Variants in MRGBP observed in about 807,000 individuals in gnomAD.
MRGBP encodes the protein MRG/MORF4L-binding protein.
In MRGBP, 5 loss-of-function variants were observed where a neutral mutation model predicts 21.5. The ratio of observed to expected loss-of-function variants is 0.23; its 90% CI spans 0.12 to 0.49. The LOEUF is 0.49. MRGBP is among the 20% of genes least tolerant of loss of function. The pLI is 0.98. For synonymous variants in MRGBP, 118 were observed against 104.4 expected (o/e 1.13, Z -0.79); for missense variants, 227 against 277.4 (o/e 0.82, Z 1.29).
intron 1 of MRGBP, 48 bp downstream of exon 1, chr20:62,796,719 GC>G: frequency 8.2e-7 from 1 of 1,216,866 alleles, no homozygotes; most frequent in Non-Finnish European, 1.0e-6. Context: ...CGGGCAACCG[GC>G]GGGGCGGGGC....
At chr20:62,797,780 G>A (rs1170145734) in intron 2 of MRGBP, among the ~76,000 whole-genome samples, 2 of 152,266 alleles carry the variant, frequency 1.3e-5, no homozygotes, top group Non-Finnish European at 2.9e-5. Context: ...CTTGGAGCTG[G>A]CACTGTGTGA....
chr20:62,801,679 G>C lies in MRGBP; in HGVS notation c.*2036G>C, dbSNP rs368413400. On this transcript the variant is annotated 3_prime_UTR_variant, in exon 5 of 5. Coordinates refer to ENST00000370487, the MANE Select transcript of MRGBP (RefSeq NM_018270.6). ...CTCCATCTGAAACCGCATCTCGGGT[G>C]ACCTCAGATTGTGCTAGGAAAGCCT... 9 of 152,406 alleles carry C rather than the reference G, an allele frequency of 5.9e-5. No individual in the cohort carries two copies. The East Asian group carries it at 1.5e-3, about 26-fold the overall frequency. The allele number at this position is 152,406 out of a possible 1,614,324, so 9.4% of individuals were successfully genotyped here.
chr20:62,798,438 C>A, intron 2 of MRGBP, 149 bp from the exon 3 acceptor site: 1 of 650,520 alleles, frequency 1.5e-6, no homozygotes, highest in African/African-American at 1.8e-5. Context: ...AAGAAATGCC[C>A]TTTGCCCTTG....
At chr20:62,797,632 G>A (rs962993738) in intron 2 of MRGBP, among the ~76,000 whole-genome samples, 6 of 152,200 alleles carry the variant, frequency 3.9e-5, no homozygotes, top group East Asian at 1.9e-4. Flanking sequence ...GCAGAGTCCC[G>A]GGCCCTTAGG....
Position 62,799,733 on chromosome 20 carries a change from C to G in MRGBP, c.*90C>G. 7.3e-7 allele frequency: 1 copy of G among 1,373,584 alleles called. No homozygotes were observed. Among genetic ancestry groups the G allele is most frequent in the African/African-American group, 1.4e-5 (1 of 69,302 alleles). The allele number at this position is 1,373,584 out of a possible 1,614,324, so 85.1% of individuals were successfully genotyped here. A position where few individuals can be genotyped will look rare whatever the true frequency, so the allele number is the denominator to read the frequency against. On this transcript the variant is annotated 3_prime_UTR_variant, in exon 5 of 5. Transcript: ENST00000370487. Reference sequence around the variant, plus strand: ...GGTCTGAGTGCCACCCCCCAGGCCACAGTGATACCATCCCAGTGCCATGAG... The same window carrying G: ...GGTCTGAGTGCCACCCCCCAGGCCAGAGTGATACCATCCCAGTGCCATGAG...
In MRGBP at chr20:62,800,393, T is replaced by TA. The variant is rs1990433022; in HGVS notation, c.*751dup. The stretch of plus-strand genomic sequence containing the variant: ...TTCTGAGATGTTTTGCTTTAAGAGA[T>TA]ACTTTTTGCTCAGTTTTTATATGCC... On this transcript the variant is annotated 3_prime_UTR_variant, in exon 5 of 5. Transcript: ENST00000370487. 1 of 152,702 alleles carries TA rather than the reference T, an allele frequency of 6.5e-6. No homozygotes were observed. Among genetic ancestry groups the TA allele is most frequent in the Admixed American group, 6.5e-5 (1 of 15,294 alleles). 9.5% of individuals were successfully genotyped at this position (152,702 alleles called of 1,614,324 possible).
intron 4 of MRGBP, 99 bp from the exon 5 acceptor site, chr20:62,799,357 G>A: frequency 1.5e-6 from 2 of 1,310,354 alleles, no homozygotes; most frequent in Non-Finnish European, 1.0e-6. Context: ...TGGGTTCAGA[G>A]GGTCACGTGT....
rs1430525369 is a variant in MRGBP at position 62,796,499 on chromosome 20, C to G, written c.-25C>G. On this transcript the variant is annotated 5_prime_UTR_variant, in exon 1 of 5. Transcript: ENST00000370487. ...TGGCCGCGCCTGCTCCCGCCGGGGG[C>G]TCCTTGCTCGGCCGGGCCGCGGCCA... The G allele has an allele frequency of 3.5e-6, 4 of 1,127,670 alleles. No homozygotes were observed. Among genetic ancestry groups the G allele is most frequent in the African/African-American group, 1.7e-5 (1 of 60,570 alleles). 69.9% of individuals were successfully genotyped at this position (1,127,670 alleles called of 1,614,324 possible).
chr20:62,799,278 AG>A (rs1267906048), intron 4 of MRGBP, among the ~76,000 whole-genome samples, 177 bp from the exon 5 acceptor site: 1 of 152,192 alleles, frequency 6.6e-6, no homozygotes, highest in Non-Finnish European at 1.5e-5. Flanking sequence ...CGCCGCAGGC[AG>A]GTCCTCAGGA....
rs1742605558 is a variant in MRGBP, at chr20:62,799,579, A to G, written c.551A>G (p.Asp184Gly). 6.2e-7 allele frequency: 1 copy of G among 1,613,636 alleles called. No homozygotes were observed. The highest frequency in any genetic ancestry group is 1.7e-5 in the Admixed American group (1 of 60,010). The change falls in exon 5 of 5, where the codon GAC becomes GGC. Residue 184 changes from aspartate (D) to glycine (G), a missense_variant. This residue lies in a region of MRGBP where 162 missense variants were observed against 227.7 expected (regional missense o/e 0.71). Transcript: ENST00000370487. ...ADKRKRSRVTDKVLTANSNPS... is the reference protein window; with the variant it reads ...ADKRKRSRVTGKVLTANSNPS... The stretch of plus-strand genomic sequence containing the variant: ...AAGCGGAAGCGCAGCCGGGTCACCG[A>G]CAAAGTCCTGACCGCAAACAGCAAC...
chr20:62,799,193 A>G, intron 4 of MRGBP, 144 bp downstream of exon 4: 2 of 898,462 alleles, frequency 2.2e-6, no homozygotes, highest in East Asian at 5.3e-5. Context: ...TGGATCCTGC[A>G]GTGCCCCCTC....
Position 62,799,721 on chromosome 20 carries a change from C to T in MRGBP, c.*78C>T, listed in dbSNP as rs1392968791. 1 of 1,432,584 alleles carries T rather than the reference C, an allele frequency of 7.0e-7. No homozygotes were observed. Among genetic ancestry groups the T allele is most frequent in the Non-Finnish European group, 9.4e-7 (1 of 1,060,804 alleles). 88.7% of individuals were successfully genotyped at this position (1,432,584 alleles called of 1,614,324 possible). On this transcript the variant is annotated 3_prime_UTR_variant, in exon 5 of 5. Coordinates refer to ENST00000370487, the MANE Select transcript of MRGBP (RefSeq NM_018270.6). Reference sequence around the variant, plus strand: ...GGGGGTTGGCTGGGTCTGAGTGCCACCCCCCAGGCCACAGTGATACCATCC... The same window carrying T: ...GGGGGTTGGCTGGGTCTGAGTGCCATCCCCCAGGCCACAGTGATACCATCC...
rs1406912527 is a variant in MRGBP at position 62,796,670 on chromosome 20, C to G, written c.147C>G (p.Val49=). 1 of 1,312,152 alleles carries G rather than the reference C, an allele frequency of 7.6e-7. No homozygotes were observed. The highest frequency in any genetic ancestry group is 3.6e-5 in the East Asian group (1 of 27,688). The allele number at this position is 1,312,152 out of a possible 1,614,324, so 81.3% of individuals were successfully genotyped here. ...ACGCCATGCTGGGCCACAAGCCCGT[C>G]GGTGAGCGCCCAGGCTGCGGACGCG... ...LFHAMLGHKP[V]GVNRHFHMIC... Residue 49 remains valine (V), a splice_region_variant and synonymous_variant, in exon 1 of 5, where the codon GTC becomes GTG. Coordinates refer to ENST00000370487, the MANE Select transcript of MRGBP (RefSeq NM_018270.6).
In MRGBP at chr20:62,799,616, C is replaced by T. The variant is rs1442024352; in HGVS notation, c.588C>T (p.Pro196=). The T allele has an allele frequency of 6.2e-6, 10 of 1,613,082 alleles. No individual in the cohort carries two copies. Among genetic ancestry groups the T allele is most frequent in the Non-Finnish European group, 7.6e-6 (9 of 1,179,840 alleles). ...CCGCAAACAGCAACCCTTCCAGTCC[C>T]AGTGCTGCCAAGCGGCGCCGCACGT... ...VLTANSNPSS[P]SAAKRRRT Residue 196 remains proline (P), a synonymous_variant, in exon 5 of 5, where the codon CCC becomes CCT. Transcript: ENST00000370487.
chr20:62,798,187 G>T (rs1439939546), intron 2 of MRGBP, among the ~76,000 whole-genome samples: 1 of 152,200 alleles, frequency 6.6e-6, no homozygotes, highest in Non-Finnish European at 1.5e-5. Context: ...CTTTCCCCAG[G>T]GCTGTCACTG....
In MRGBP at chr20:62,801,482, G is replaced by C. The variant is rs1040253638; in HGVS notation, c.*1839G>C. 6.6e-6 allele frequency: 1 copy of C among 152,266 alleles called. No homozygotes were observed. The highest frequency in any genetic ancestry group is 2.4e-5 in the African/African-American group (1 of 41,450). 9.4% of individuals were successfully genotyped at this position (152,266 alleles called of 1,614,324 possible). On this transcript the variant is annotated 3_prime_UTR_variant, in exon 5 of 5. Coordinates refer to ENST00000370487, the MANE Select transcript of MRGBP (RefSeq NM_018270.6). Reference sequence around the variant, plus strand: ...CCGTCTGATCTCTCCTGTTAGGTCAGCCTCATTCAGGGCTTTGTGCCAGGT... The same window carrying C: ...CCGTCTGATCTCTCCTGTTAGGTCACCCTCATTCAGGGCTTTGTGCCAGGT...
In MRGBP at chr20:62,796,538, G is replaced by C; in HGVS notation, c.15G>C (p.Glu5Asp). 3.4e-6 allele frequency: 4 copies of C among 1,182,890 alleles called. No homozygotes were observed. Among genetic ancestry groups the C allele is most frequent in the Non-Finnish European group, 4.2e-6 (4 of 953,952 alleles). The allele number at this position is 1,182,890 out of a possible 1,614,324, so 73.3% of individuals were successfully genotyped here. Residue 5 changes from glutamate to aspartate, a missense_variant, in exon 1 of 5, where the codon GAG (glutamate) becomes GAC (aspartate). Physicochemically the swap from Glu to Asp is conservative, Grantham distance 45 (BLOSUM62 2). Around this residue, in one of 2 missense-constraint regions of MRGBP, gnomAD observed 65 missense variants for 49.7 expected, o/e 1.31. Coordinates refer to ENST00000370487, the MANE Select transcript of MRGBP (RefSeq NM_018270.6). Reference protein sequence around the residue: MGEAEVGGGGAAGDK... With the variant: MGEADVGGGGAAGDK... The stretch of plus-strand genomic sequence containing the variant: ...GGGCCGCGGCCATGGGAGAGGCCGA[G>C]GTGGGCGGCGGGGGCGCCGCAGGCG...
rs781108285 is a variant in MRGBP, at chr20:62,799,022, G to A, written c.400G>A (p.Val134Met). 21 of 1,613,406 alleles carry A rather than the reference G, an allele frequency of 1.3e-5. No individual in the cohort carries two copies. The highest frequency in any genetic ancestry group is 1.1e-4 in the East Asian group (5 of 44,890). Residue 134 changes from valine (V) to methionine (M), a missense_variant, in exon 4 of 5, where the codon GTG becomes ATG. Physicochemically the swap from Val to Met is conservative, Grantham distance 21. This residue lies in a region of MRGBP where 162 missense variants were observed against 227.7 expected (regional missense o/e 0.71). Coordinates refer to ENST00000370487, the MANE Select transcript of MRGBP (RefSeq NM_018270.6). Reference protein sequence around the residue: ...EEMKEEMKEDVDPHNGADDVF... With the variant: ...EEMKEEMKEDMDPHNGADDVF... ...GATGAAAGAGGAGATGAAGGAAGAC[G>A]TGGACCCCCACAATGGGGCTGACGA... is the stretch of plus-strand genomic sequence containing the variant.
chr20:62,797,117 C>G lies in MRGBP; in HGVS notation c.156C>G (p.Asn52Lys). 6.2e-7 allele frequency: 1 copy of G among 1,602,752 alleles called. No homozygotes were observed. Among genetic ancestry groups the G allele is most frequent in the Non-Finnish European group, 8.5e-7 (1 of 1,176,088 alleles). Reference sequence around the variant, plus strand: ...CGCCCCTCCTCCCCTCAGGTGTGAACCGACACTTCCACATGATTTGTATTC... The same window carrying G: ...CGCCCCTCCTCCCCTCAGGTGTGAAGCGACACTTCCACATGATTTGTATTC... ...AMLGHKPVGV[N>K]RHFHMICIRD... The change falls in exon 2 of 5, where the codon AAC becomes AAG. Residue 52 changes from asparagine to lysine, a missense_variant. Physicochemically the swap from Asn to Lys is moderately conservative, Grantham distance 94. Coordinates refer to ENST00000370487, the MANE Select transcript of MRGBP (RefSeq NM_018270.6).
Sources: allele counts gnomAD v4.1 joint callset (sites outside exome capture counted in the v4.1 genomes callset), GRCh38; gene constraint gnomAD v4.1.1; regional missense constraint gnomAD v4.1.1; transcripts MANE v1.5; gene names NCBI Gene and HGNC (gene_info 2026-07-23, HGNC 2026-07-21).